The following FAM107B variants were observed in gnomAD, a reference collection of about 807,000 sequenced individuals.
FAM107B encodes protein FAM107B.
In FAM107B, 21 loss-of-function variants were observed where a neutral mutation model predicts 31.5. The observed-to-expected ratio is 0.67, with a 90% CI of 0.47 to 0.96. The LOEUF (loss-of-function observed/expected upper bound fraction) is 0.96, where lower values mean the gene tolerates loss of function less well. FAM107B is among the 40% of genes least tolerant of loss of function. The probability of loss-of-function intolerance (pLI) is 0.00; values close to 1 mark genes in which losing one functional copy is unlikely to be tolerated. For missense variants in FAM107B, 452 were observed against 377.1 expected, an observed-to-expected ratio of 1.20 and a Z score of -1.64; for synonymous variants, 157 against 141.5, an observed-to-expected ratio of 1.11 and a Z score of -0.78.
intron 3 of FAM107B, among the ~76,000 whole-genome samples, chr10:14,526,280 TCTC>T (rs1846218650): frequency 6.6e-6 from 1 of 152,170 alleles, no homozygotes; most frequent in Non-Finnish European, 1.5e-5. Context: ...TTCAAGCTAT[TCTC>T]CTGCCTCAGC....
chr10:14,549,962 G>A (rs1849103675), intron 2 of FAM107B, among the ~76,000 whole-genome samples: 1 of 152,188 alleles, frequency 6.6e-6, no homozygotes, highest in Non-Finnish European at 1.5e-5. Context: ...CCAGACATCG[G>A]GTGCCACATG....
intron 2 of FAM107B, among the ~76,000 whole-genome samples, chr10:14,633,531 CTTAA>C (rs1419853432): frequency 4.6e-5 from 7 of 152,118 alleles, no homozygotes; most frequent in Non-Finnish European, 1.0e-4. Context: ...CTTACATTAA[CTTAA>C]TTACATTAAT....
In FAM107B at chr10:14,621,822, C is replaced by T. The variant is rs111310753; in HGVS notation, c.469+45812G>A. Among the ~76,000 whole-genome samples, 1,012 of 152,004 alleles carry T rather than the reference C, an allele frequency of 6.7e-3. 7 individuals carry two copies. Among genetic ancestry groups the T allele is most frequent in the Non-Finnish European group, 0.01 (706 of 68,004 alleles). On this transcript the variant is annotated intron_variant, in intron 2 of 4. Coordinates refer to ENST00000181796, the MANE Select transcript of FAM107B (RefSeq NM_031453.4). Reference sequence around the variant, plus strand: ...GTTAGCTGCTGAAAGCGGAGTATAACGCTTGGAGAGCAAAAAGAAAGGGAA... The same window carrying T: ...GTTAGCTGCTGAAAGCGGAGTATAATGCTTGGAGAGCAAAAAGAAAGGGAA...
intron 2 of FAM107B, chr10:14,542,490 A>G (rs1848308625): frequency 1.3e-5 from 2 of 152,120 alleles, no homozygotes; most frequent in African/African-American, 2.4e-5. Context: ...TAACCCCACA[A>G]AGGGAGGGCC....
chr10:14,558,388 T>C (rs928504490), intron 2 of FAM107B, among the ~76,000 whole-genome samples: 2 of 152,186 alleles, frequency 1.3e-5, no homozygotes, highest in Non-Finnish European at 2.9e-5. Flanking sequence ...AATTAAATTA[T>C]TTCACCCTGA....
intron 2 of FAM107B, among the ~76,000 whole-genome samples, chr10:14,650,360 G>A (rs895381393): frequency 6.6e-6 from 1 of 151,894 alleles, no homozygotes; most frequent in African/African-American, 2.4e-5. Flanking sequence ...GAGTGCAGTG[G>A]CATGATGATC....
At chr10:14,671,120 G>A (rs1047365373) in intron 1 of FAM107B, among the ~76,000 whole-genome samples, 1 of 152,044 alleles carries the variant, frequency 6.6e-6, no homozygotes, top group African/African-American at 2.4e-5. Context: ...TCTGTGCTCC[G>A]TGAAACCGAC....
At chr10:14,723,125 C>T (rs998712250) in intron 1 of FAM107B, 1 of 412,560 alleles carries the variant, frequency 2.4e-6, no homozygotes, top group Non-Finnish European at 4.7e-6. Context: ...TATTTTCCAT[C>T]AGACTTGTGT....
At chr10:14,599,236 C>G (rs906951226) in intron 2 of FAM107B, among the ~76,000 whole-genome samples, 3 of 152,118 alleles carry the variant, frequency 2.0e-5, no homozygotes, top group South Asian at 4.1e-4. Flanking sequence ...GTGTCCCCCC[C>G]CACTTCAAGA....
intron 2 of FAM107B, among the ~76,000 whole-genome samples, chr10:14,629,307 A>ATTATATATATTTATAT (rs1853257671): frequency 1.4e-5 from 1 of 70,962 alleles, no homozygotes; most frequent in Non-Finnish European, 2.6e-5. Flanking sequence ...ATAAATATAT[A>ATTATATATATTTATAT]ATATATATAA....
Position 14,687,023 on chromosome 10 carries a change from C to T in FAM107B, c.412-19332G>A, listed in dbSNP as rs550503272. Among the ~76,000 whole-genome samples the T allele has an allele frequency of 4.6e-5, 7 of 152,344 alleles. No individual in the cohort carries two copies. In the South Asian group the frequency reaches 1.2e-3, roughly 27 times the overall value. On this transcript the variant is annotated intron_variant, in intron 1 of 4. Transcript: ENST00000181796. ...CAGGAATTTCAGGAAATTTTACGCT[C>T]AAAAAGCATGGCGAAGCCTCAGAGA...
intron 2 of FAM107B, among the ~76,000 whole-genome samples, chr10:14,601,242 C>G (rs569329283): frequency 6.6e-6 from 1 of 152,304 alleles, no homozygotes; most frequent in East Asian, 1.9e-4. Context: ...AAATGGCAAT[C>G]TAATCCAGCT....
chr10:14,678,617 TC>T (rs11330819), intron 1 of FAM107B, among the ~76,000 whole-genome samples: 57,137 of 151,812 alleles, frequency 0.38, 11,173 homozygotes, highest in Non-Finnish European at 0.44. Context: ...CTTCCTCTCC[TC>T]TCCTCTCCTC....
At chr10:14,643,534 A>T (rs10752341) in intron 2 of FAM107B, among the ~76,000 whole-genome samples, 3 of 151,686 alleles carry the variant, frequency 2.0e-5, no homozygotes, top group Admixed American at 6.6e-5. Context: ...CTCAGCCTCC[A>T]GAGCAGATGG....
chr10:14,629,438 T>TATA lies in FAM107B; in HGVS notation c.469+38193_469+38195dup, dbSNP rs1564606904. Among the ~76,000 whole-genome samples the TATA allele has an allele frequency of 4.9e-4, 3 of 6,114 alleles. 1 individual carries two copies. The highest frequency in any genetic ancestry group is 7.6e-4 in the Non-Finnish European group (3 of 3,942). The allele number at this position is 6,114 out of a possible 152,430, so 4.0% of individuals were successfully genotyped here. ...TATATAATATATATAATATATATTA[T>TATA]ATATATATTATATATATATTATATA... On this transcript the variant is annotated intron_variant, in intron 2 of 4. Coordinates refer to ENST00000181796, the MANE Select transcript of FAM107B (RefSeq NM_031453.4).
intron 2 of FAM107B, among the ~76,000 whole-genome samples, chr10:14,576,652 C>T (rs983992172): frequency 2.0e-5 from 3 of 152,158 alleles, no homozygotes; most frequent in Non-Finnish European, 4.4e-5. Context: ...CAATTGGAAC[C>T]AAACATTTAC....
At chr10:14,556,490 T>C in intron 2 of FAM107B, 2 of 869,094 alleles carry the variant, frequency 2.3e-6, no homozygotes, top group Non-Finnish European at 2.8e-6. Flanking sequence ...AGCCCCGACC[T>C]AACGAGAGCT....
chr10:14,581,595 G>A (rs532767808), intron 2 of FAM107B, among the ~76,000 whole-genome samples: 58 of 152,210 alleles, frequency 3.8e-4, no homozygotes, highest in Admixed American at 2.2e-3. Flanking sequence ...GTCCACACCA[G>A]GAGCAGTTTT....
intron 2 of FAM107B, among the ~76,000 whole-genome samples, chr10:14,535,276 T>C (rs770048496): frequency 3.5e-4 from 54 of 152,196 alleles, no homozygotes; most frequent in Non-Finnish European, 6.6e-4. Flanking sequence ...CTAACTTCCC[T>C]GACCCCCAGC....
Sources: gnomAD v4.1 joint callset for allele counts (sites outside exome capture counted in the v4.1 genomes callset) on GRCh38, gnomAD v4.1.1 for gene constraint, MANE v1.5 for transcripts, NCBI Gene and HGNC (gene_info 2026-07-23, HGNC 2026-07-21) for gene names.